The following MFSD12 variants were observed in gnomAD, a reference collection of about 807,000 sequenced individuals.
MFSD12 encodes the protein major facilitator superfamily domain-containing protein 12.
A neutral mutation model predicts 51.2 loss-of-function variants in MFSD12; 67 were observed. The ratio of observed to expected loss-of-function variants is 1.31; its 90% CI spans 1.08 to 1.60. MFSD12 has a LOEUF of 1.60. MFSD12 is among the 40% of genes most tolerant of loss of function. MFSD12 has a pLI of 0.00. For synonymous variants in MFSD12, 441 were observed against 316.7 expected, an observed-to-expected ratio of 1.39 and a Z score of -4.17; for missense variants, 921 against 673.0, an observed-to-expected ratio of 1.37 and a Z score of -4.08.
At position 3,557,274 on chromosome 19, in the gene MFSD12, G is replaced by A. The variant is rs745586471; in HGVS notation, c.130C>T (p.Leu44=). ...LCASMWFTYL[L]LYLHSVRAYS... ...GCGCGCACCGAGTGCAGGTAGAGCA[G>A]CAGGTAGGTGAACCACATGGACGCG... The change falls in exon 1 of 10, where the codon CTG becomes TTG. Residue 44 remains leucine (L), a synonymous_variant. Transcript: ENST00000355415. 2 of 1,597,938 alleles carry A rather than the reference G, an allele frequency of 1.3e-6. No individual in the cohort carries two copies. Among genetic ancestry groups the A allele is most frequent in the Non-Finnish European group, 8.5e-7 (1 of 1,173,696 alleles).
In MFSD12 at chr19:3,547,922, G is replaced by A. The variant is rs1484896837; in HGVS notation, c.763C>T (p.Pro255Ser). 1.9e-6 allele frequency: 3 copies of A among 1,583,870 alleles called. No homozygotes were observed. The highest frequency in any genetic ancestry group is 2.3e-5 in the South Asian group (2 of 87,978). Reference sequence around the variant, plus strand: ...TGGGCCGTGGCAGGGGCCAACAGGGGGGTGTGCTCGCCTGGCTCCTCCGCA... The same window carrying A: ...TGGGCCGTGGCAGGGGCCAACAGGGAGGTGTGCTCGCCTGGCTCCTCCGCA... The part of the protein sequence containing the change: ...PHAEEPGEHT[P>S]LLAPATAQPL... The change falls in exon 4 of 10, where the codon CCC (proline) becomes TCC (serine). Residue 255 changes from proline to serine, a missense_variant. Pro to Ser is a moderately conservative substitution (Grantham distance 74). Transcript: ENST00000355415.
At chr19:3,546,920 G>A (rs1420453040) in intron 6 of MFSD12, among the ~76,000 whole-genome samples, 7 of 150,682 alleles carry the variant, frequency 4.6e-5, no homozygotes, top group African/African-American at 1.2e-4. Context: ...TGCAAGCTCC[G>A]CCTCCCGGGT....
downstream of MFSD12, chr19:3,539,288 T>G: frequency 7.4e-7 from 1 of 1,359,542 alleles, no homozygotes; most frequent in East Asian, 2.5e-5. Flanking sequence ...GGTGAGCCCC[T>G]CCCAGCCCCT....
rs753034009 is a variant in MFSD12 at position 3,547,580 on chromosome 19, G to T, written c.838-33C>A. ...CAGACCGACAGAGGGACTGGCAGGG[G>T]TCAGGAGGGCCTTCTCCACTCCCAC... On this transcript the variant is annotated intron_variant, in intron 4 of 9. Coordinates refer to ENST00000355415, the MANE Select transcript of MFSD12 (RefSeq NM_174983.5). 6 of 1,570,170 alleles carry T rather than the reference G, an allele frequency of 3.8e-6. No homozygotes were observed. The African/African-American group carries it at 5.4e-5, about 14-fold the overall frequency.
At chr19:3,546,838 C>CT (rs373687775) in intron 6 of MFSD12, among the ~76,000 whole-genome samples, 9 of 151,026 alleles carry the variant, frequency 6.0e-5, no homozygotes, top group Non-Finnish European at 8.9e-5. Context: ...AGATCTGGGG[C>CT]TTTTTTTTTC....
At chr19:3,552,419 C>T (rs1458109574) in intron 1 of MFSD12, among the ~76,000 whole-genome samples, 1 of 149,704 alleles carries the variant, frequency 6.7e-6, no homozygotes, top group Non-Finnish European at 1.5e-5. Flanking sequence ...CCACCCGCCT[C>T]GGCCTCTCAA....
chr19:3,553,499 T>C (rs1028057111), intron 1 of MFSD12, among the ~76,000 whole-genome samples: 1 of 146,282 alleles, frequency 6.8e-6, no homozygotes, highest in African/African-American at 2.5e-5. Flanking sequence ...CCGGGCGCGG[T>C]GGCTCACGCC....
intron 1 of MFSD12, among the ~76,000 whole-genome samples, chr19:3,552,175 T>TC (rs2031510566): frequency 6.6e-6 from 1 of 151,938 alleles, no homozygotes. Flanking sequence ...TATCTATTTT[T>TC]TTTTTTTTTT....
intron 4 of MFSD12, chr19:3,538,865 C>A: frequency 3.4e-6 from 2 of 593,906 alleles, no homozygotes; most frequent in Non-Finnish European, 6.5e-6. Context: ...ATCGAAGGGG[C>A]AGGGGGAGAC....
chr19:3,543,123 AC>A, downstream of MFSD12: 1 of 1,513,170 alleles, frequency 6.6e-7, no homozygotes. Flanking sequence ...AGGGAGGGAG[AC>A]CCCACGCCGT....
intron 6 of MFSD12, 58 bp downstream of exon 6, chr19:3,547,214 C>A: frequency 6.8e-7 from 1 of 1,479,302 alleles, no homozygotes; most frequent in Non-Finnish European, 9.4e-7. Context: ...CGGGTGGGAT[C>A]TCGGCTGCAG....
At chr19:3,538,870 G>T (rs1007122270) in intron 4 of MFSD12, 13 of 605,832 alleles carry the variant, frequency 2.1e-5, no homozygotes, top group Non-Finnish European at 3.8e-5. Flanking sequence ...AGGGGCAGGG[G>T]GAGACAGAAG....
downstream of MFSD12, chr19:3,543,754 G>C: frequency 6.7e-7 from 1 of 1,491,732 alleles, no homozygotes; most frequent in Non-Finnish European, 9.0e-7. Flanking sequence ...GAAACTGCCC[G>C]GGGCGATCCA....
In MFSD12 at chr19:3,555,980, A is replaced by C. The variant is rs188067670; in HGVS notation, c.298+1126T>G. Among the ~76,000 whole-genome samples the C allele has an allele frequency of 5.8e-4, 88 of 152,312 alleles. 3 individuals carry two copies. The highest frequency in any genetic ancestry group is 2.0e-3 in the African/African-American group (83 of 41,590). On this transcript the variant is annotated intron_variant, in intron 1 of 9. Coordinates refer to ENST00000355415, the MANE Select transcript of MFSD12 (RefSeq NM_174983.5). ...GCAGGGTGACCCAGCCCATGACGCCAGCCTCCTGCCCTCCCAACAGCCCTC... is the reference window on the plus strand; with the variant it reads ...GCAGGGTGACCCAGCCCATGACGCCCGCCTCCTGCCCTCCCAACAGCCCTC...
chr19:3,545,851 C>T (rs377442565), intron 8 of MFSD12, among the ~76,000 whole-genome samples: 30 of 152,294 alleles, frequency 2.0e-4, no homozygotes, highest in South Asian at 4.1e-4. Flanking sequence ...TATTTCTGTA[C>T]GGTGTCTTCA....
Position 3,544,415 on chromosome 19 carries a change from C to A in MFSD12, c.*295G>T, listed in dbSNP as rs2030761238. On this transcript the variant is annotated 3_prime_UTR_variant, in exon 10 of 10. Coordinates refer to ENST00000355415, the MANE Select transcript of MFSD12 (RefSeq NM_174983.5). ...CTCAGGGTTAGGGTTCCCCCAGACCCTTCTGGGATTCCTACTTCCTGTTCC... is the reference window on the plus strand; with the variant it reads ...CTCAGGGTTAGGGTTCCCCCAGACCATTCTGGGATTCCTACTTCCTGTTCC... 1 of 1,326,962 alleles carries A rather than the reference C, an allele frequency of 7.5e-7. No individual in the cohort carries two copies. Among genetic ancestry groups the A allele is most frequent in the South Asian group, 2.3e-5 (1 of 44,310 alleles). 82.2% of individuals were successfully genotyped at this position (1,326,962 alleles called of 1,614,324 possible). A position where few individuals can be genotyped will look rare whatever the true frequency, so the allele number is the denominator to read the frequency against.
At chr19:3,556,490 G>A (rs369602805) in intron 1 of MFSD12, among the ~76,000 whole-genome samples, 2 of 152,016 alleles carry the variant, frequency 1.3e-5, no homozygotes, top group Non-Finnish European at 2.9e-5. Context: ...AGACAGATGG[G>A]GGAGGCTCAT....
At chr19:3,547,690 G>A (rs2031188020) in intron 4 of MFSD12, 143 bp from the exon 5 acceptor site, 1 of 1,175,612 alleles carries the variant, frequency 8.5e-7, no homozygotes, top group Admixed American at 2.5e-5. Flanking sequence ...GGTGGGCCAG[G>A]AAGAGGAGAG....
chr19:3,548,415 C>A, intron 2 of MFSD12, 148 bp from the exon 3 acceptor site: 1 of 1,049,200 alleles, frequency 9.5e-7, no homozygotes, highest in Non-Finnish European at 1.4e-6. Context: ...TCCAGGAAGC[C>A]CGTGCTGGCC....
Sources: allele counts gnomAD v4.1 joint callset (sites outside exome capture counted in the v4.1 genomes callset), GRCh38; gene constraint gnomAD v4.1.1; transcripts MANE v1.5; gene names NCBI Gene and HGNC (gene_info 2026-07-23, HGNC 2026-07-21).